Variants in TDRD10 observed in about 807,000 individuals in gnomAD.
TDRD10 encodes tudor domain containing 10.
In TDRD10, 40 loss-of-function variants were observed where a neutral mutation model predicts 48.0. The ratio of observed to expected loss-of-function variants is 0.83; its 90% CI spans 0.65 to 1.09. TDRD10 has a LOEUF of 1.09. Ranked by LOEUF, TDRD10 falls within the 50% of genes least tolerant of loss-of-function variation. TDRD10 has a pLI of 0.00. For synonymous variants in TDRD10, 162 were observed against 170.4 expected (o/e 0.95, Z 0.38); for missense variants, 378 against 434.7 (o/e 0.87, Z 1.16).
chr1:154,543,957 C>T lies in TDRD10; in HGVS notation c.504-6C>T, dbSNP rs1695401067. The T allele has an allele frequency of 1.2e-6, 2 of 1,613,698 alleles. No homozygotes were observed. The highest frequency in any genetic ancestry group is 2.7e-5 in the African/African-American group (2 of 74,908). ...CCTTTCCTTGCTCCCCTTGCTCTTC[C>T]CGCAGAGGGTCCTTCCTGGTGCTGC... On this transcript the variant is annotated splice_region_variant and splice_polypyrimidine_tract_variant and intron_variant, in intron 8 of 12. Transcript: ENST00000368482.
intron 8 of TDRD10, 35 bp from the exon 9 acceptor site, chr1:154,543,928 C>T (rs76289529): frequency 0.033 from 52,579 of 1,611,156 alleles, 1,024 homozygotes; most frequent in Middle Eastern, 0.047. Flanking sequence ...TTGGTCCAGT[C>T]GTTCCTTTCC....
chr1:154,507,523 T>TCCCTGGTG (rs113473880), intron 3 of TDRD10, among the ~76,000 whole-genome samples: 19,474 of 152,068 alleles, frequency 0.13, 1,422 homozygotes, highest in South Asian at 0.18. Context: ...AGACCCTTAC[T>TCCCTGGTG]CCCTGGTGCA....
chr1:154,532,425 C>T (rs184335175), intron 6 of TDRD10, among the ~76,000 whole-genome samples: 41 of 152,302 alleles, frequency 2.7e-4, no homozygotes, highest in Admixed American at 2.0e-3. Flanking sequence ...GCAAGCACCG[C>T]GCGCAGCCCT....
intron 8 of TDRD10, 147 bp from the exon 9 acceptor site, chr1:154,543,816 C>T (rs543588755): frequency 1.6e-6 from 2 of 1,252,340 alleles, no homozygotes; most frequent in East Asian, 2.3e-5. Context: ...TAGCTCCCAC[C>T]CTAGAGGGGG....
chr1:154,544,465 A>G lies in TDRD10; in HGVS notation c.745A>G (p.Thr249Ala). The change falls in exon 10 of 13, where the codon ACT (threonine) becomes GCT (alanine). Residue 249 changes from threonine (T) to alanine (A), a missense_variant. Transcript: ENST00000368482. Reference protein sequence around the residue: ...YLEGSTVMRGTRCLAEYHLGD... With the variant: ...YLEGSTVMRGARCLAEYHLGD... ...GGAGGGCTCCACCGTTATGCGCGGG[A>G]CTCGCTGTCTGGCAGAGTACCACCT... 3 of 1,613,216 alleles carry G rather than the reference A, an allele frequency of 1.9e-6. No individual in the cohort carries two copies. The highest frequency in any genetic ancestry group is 1.7e-6 in the Non-Finnish European group (2 of 1,179,866).
chr1:154,520,918 T>A (rs1694023539), intron 5 of TDRD10, among the ~76,000 whole-genome samples: 1 of 152,054 alleles, frequency 6.6e-6, no homozygotes, highest in Non-Finnish European at 1.5e-5. Context: ...TTGTATTTGT[T>A]TGTAGAGATG....
chr1:154,523,507 G>A (rs1203885534), intron 6 of TDRD10, among the ~76,000 whole-genome samples: 4 of 152,186 alleles, frequency 2.6e-5, no homozygotes, highest in African/African-American at 4.8e-5. Context: ...TGATGCTCCT[G>A]GCCCTGGGAC....
At chr1:154,534,030 G>A (rs976604374) in intron 6 of TDRD10, among the ~76,000 whole-genome samples, 11 of 151,892 alleles carry the variant, frequency 7.2e-5, no homozygotes, top group Non-Finnish European at 1.2e-4. Context: ...CCCCCCAGCC[G>A]TATTTTTAAA....
chr1:154,526,647 G>C (rs4307559), intron 6 of TDRD10, among the ~76,000 whole-genome samples: 119,325 of 151,900 alleles, frequency 0.79, 47,587 homozygotes, highest in East Asian at 0.92. Flanking sequence ...TAGAGACAGG[G>C]TTTCACCATG....
intron 6 of TDRD10, among the ~76,000 whole-genome samples, chr1:154,530,946 C>T (rs572162190): frequency 6.6e-6 from 1 of 151,116 alleles, no homozygotes; most frequent in African/African-American, 2.4e-5. Flanking sequence ...TCAAGCGGTT[C>T]TCCTGCCTCT....
intron 6 of TDRD10, among the ~76,000 whole-genome samples, chr1:154,529,153 C>T (rs371624372): frequency 6.6e-6 from 1 of 152,054 alleles, no homozygotes. Flanking sequence ...AATCTCAGCT[C>T]GCTGCAACCT....
chr1:154,547,656 A>G, intron 12 of TDRD10, 22 bp from the exon 13 acceptor site: 1 of 1,614,198 alleles, frequency 6.2e-7, no homozygotes, highest in Non-Finnish European at 8.5e-7. Flanking sequence ...CTTCCCACCA[A>G]GGCTTTGTCT....
chr1:154,547,610 C>A (rs1036465713), intron 12 of TDRD10, 68 bp from the exon 13 acceptor site: 69 of 1,614,106 alleles, frequency 4.3e-5, no homozygotes, highest in Admixed American at 5.0e-5. Flanking sequence ...AACTGGTTAT[C>A]TGAGGGGTTG....
At chr1:154,525,606 A>G (rs1370403647) in intron 6 of TDRD10, among the ~76,000 whole-genome samples, 1 of 152,200 alleles carries the variant, frequency 6.6e-6, no homozygotes, top group African/African-American at 2.4e-5. Flanking sequence ...GGAAGTAGAC[A>G]TTAATGGCCA....
intron 6 of TDRD10, among the ~76,000 whole-genome samples, chr1:154,532,039 C>T (rs951239660): frequency 1.5e-4 from 23 of 152,250 alleles, no homozygotes; most frequent in East Asian, 1.9e-4. Flanking sequence ...CAGTGGATCT[C>T]GCACCGGGGC....
rs138996319 is a variant in TDRD10 at position 154,535,537 on chromosome 1, G to A, written c.370-6487G>A. Reference sequence around the variant, plus strand: ...CAACCCTGTCGACAAAAAATGTGCCGGGTGTGGTGGCACACACATGTAGTC... The same window carrying A: ...CAACCCTGTCGACAAAAAATGTGCCAGGTGTGGTGGCACACACATGTAGTC... On this transcript the variant is annotated intron_variant, in intron 6 of 12. Transcript: ENST00000368482. Among the ~76,000 whole-genome samples, 274 of 151,956 alleles carry A rather than the reference G, an allele frequency of 1.8e-3. 2 individuals carry two copies. The highest frequency in any genetic ancestry group is 6.4e-3 in the African/African-American group (264 of 41,422).
chr1:154,505,312 T>C (rs912067594), intron 1 of TDRD10, among the ~76,000 whole-genome samples: 3 of 152,198 alleles, frequency 2.0e-5, no homozygotes, highest in Admixed American at 6.5e-5. Context: ...CTTGCACGGA[T>C]TTATGCTGGG....
chr1:154,543,083 C>G (rs927511314), intron 8 of TDRD10, among the ~76,000 whole-genome samples: 3 of 152,122 alleles, frequency 2.0e-5, no homozygotes, highest in African/African-American at 7.2e-5. Context: ...CAAGACCAGC[C>G]TGGCCAACAT....
chr1:154,509,766 A>G (rs1693344065), intron 4 of TDRD10: 1 of 982,462 alleles, frequency 1.0e-6, no homozygotes. Flanking sequence ...CGAGCCTACT[A>G]GGGCTGGTTT....
Sources: gnomAD v4.1 joint callset for allele counts (sites outside exome capture counted in the v4.1 genomes callset) on GRCh38, gnomAD v4.1.1 for gene constraint, MANE v1.5 for transcripts, NCBI Gene and HGNC (gene_info 2026-07-23, HGNC 2026-07-21) for gene names.